Variants in NCAPG2 observed in about 807,000 individuals in gnomAD.
NCAPG2 encodes the protein condensin-2 complex subunit G2.
Under a neutral mutation model 141.1 loss-of-function variants are expected in NCAPG2, and 53 were observed. The observed-to-expected ratio is 0.38, with a 90% CI of 0.30 to 0.47. NCAPG2 has a LOEUF of 0.47. Ranked by LOEUF, NCAPG2 falls within the 20% of genes least tolerant of loss-of-function variation. The pLI is 0.99. For synonymous variants in NCAPG2, 499 were observed against 490.7 expected (o/e 1.02, Z -0.22); for missense variants, 1,087 against 1,389.0 (o/e 0.78, Z 3.46).
At chr7:158,660,987 T>G (rs1469178485) in intron 16 of NCAPG2, among the ~76,000 whole-genome samples, 1 of 152,218 alleles carries the variant, frequency 6.6e-6, no homozygotes, top group Non-Finnish European at 1.5e-5. Context: ...CCGTCATGAC[T>G]GTGAGGCTTC....
intron 6 of NCAPG2, 42 bp downstream of exon 6, chr7:158,689,774 TAAG>T (rs770234500): frequency 1.5e-5 from 23 of 1,487,688 alleles, no homozygotes; most frequent in Admixed American, 2.1e-5. Context: ...AAACATCTAT[TAAG>T]AAGCAGCTCA....
intron 23 of NCAPG2, among the ~76,000 whole-genome samples, chr7:158,651,514 A>C (rs528009841): frequency 1.3e-5 from 2 of 152,350 alleles, no homozygotes; most frequent in South Asian, 2.1e-4. Context: ...ATATTTCATA[A>C]ATAGCCTCCC....
At chr7:158,644,447 ACT>A in intron 26 of NCAPG2, 59 bp from the exon 27 acceptor site, 1 of 1,405,860 alleles carries the variant, frequency 7.1e-7, no homozygotes, top group Non-Finnish European at 1.0e-6. Flanking sequence ...AAAGACAAAC[ACT>A]CTGGTACACA....
At chr7:158,658,149 T>TAAAAAAA (rs11444440) in intron 17 of NCAPG2, among the ~76,000 whole-genome samples, 189 bp downstream of exon 17, 7 of 97,472 alleles carry the variant, frequency 7.2e-5, no homozygotes, top group East Asian at 2.5e-4. Context: ...GAATGATCAA[T>TAAAAAAA]AAAAAAAAAA....
Position 158,683,397 on chromosome 7 carries a change from A to C in NCAPG2, c.838-11T>G, listed in dbSNP as rs774112277. 3 of 1,593,224 alleles carry C rather than the reference A, an allele frequency of 1.9e-6. No individual in the cohort carries two copies. Among genetic ancestry groups the C allele is most frequent in the African/African-American group, 2.7e-5 (2 of 73,508 alleles). ...ATCATTTTCAATCGCCTGAAATAAC[A>C]AATGCAATGCAAAGCACTTGGTGTG... On this transcript the variant is annotated splice_polypyrimidine_tract_variant and intron_variant, in intron 8 of 27. Transcript: ENST00000356309.
Position 158,634,241 on chromosome 7 carries a change from C to T in NCAPG2, c.3381-2524G>A, listed in dbSNP as rs966940284. On this transcript the variant is annotated intron_variant, in intron 27 of 27. Coordinates refer to ENST00000356309, the MANE Select transcript of NCAPG2 (RefSeq NM_017760.7). ...ATAGTGTTTGCATATAGTCTACCCA[C>T]ATCCTCCTGTATGCTTTAAATCATC... 4.6e-5 allele frequency among the ~76,000 whole-genome samples: 7 copies of T among 152,272 alleles called. No individual in the cohort carries two copies. The South Asian group carries it at 8.3e-4, about 18-fold the overall frequency.
chr7:158,678,687 CTAAAA>C (rs568243725), intron 11 of NCAPG2, among the ~76,000 whole-genome samples: 1 of 141,080 alleles, frequency 7.1e-6, no homozygotes, highest in South Asian at 2.2e-4. Flanking sequence ...GACTCTGTCT[CTAAAA>C]TAAAATAAAA....
chr7:158,697,508 G>A lies in NCAPG2; in HGVS notation c.79-4011C>T, dbSNP rs573020540. Among the ~76,000 whole-genome samples, 53 of 152,120 alleles carry A rather than the reference G, an allele frequency of 3.5e-4. 1 individual carries two copies. The South Asian group carries it at 3.9e-3, about 11-fold the overall frequency. The stretch of plus-strand genomic sequence containing the variant: ...CTCAACTATTCAGGAGGCTGAGGCA[G>A]GAGAATCACTTGAACCCGGGAGGCG... On this transcript the variant is annotated intron_variant, in intron 2 of 27. Transcript: ENST00000356309.
chr7:158,681,133 C>T (rs1014742022), intron 9 of NCAPG2, among the ~76,000 whole-genome samples: 3 of 152,194 alleles, frequency 2.0e-5, no homozygotes, highest in African/African-American at 7.2e-5. Flanking sequence ...CTCGTTTAAA[C>T]CTCTGACCTT....
chr7:158,687,459 A>C lies in NCAPG2; in HGVS notation c.673-17T>G. 5.8e-6 allele frequency: 9 copies of C among 1,556,632 alleles called. No individual in the cohort carries two copies. Among genetic ancestry groups the C allele is most frequent in the Non-Finnish European group, 7.9e-6 (9 of 1,140,234 alleles). ...TCTTCTTCCCTAGAAATAAAAAAGGATAGAATGTTTACATTGCAACCAAAT... is the reference window on the plus strand; with the variant it reads ...TCTTCTTCCCTAGAAATAAAAAAGGCTAGAATGTTTACATTGCAACCAAAT... On this transcript the variant is annotated splice_polypyrimidine_tract_variant and intron_variant, in intron 6 of 27. Transcript: ENST00000356309.
intron 10 of NCAPG2, among the ~76,000 whole-genome samples, chr7:158,680,422 C>A (rs542980401): frequency 2.3e-4 from 35 of 152,190 alleles, no homozygotes; most frequent in African/African-American, 8.4e-4. Flanking sequence ...CAGGCCAGCG[C>A]GGCAAACCAC....
intron 27 of NCAPG2, chr7:158,639,975 G>A (rs2129456428): frequency 2.6e-6 from 1 of 384,658 alleles, no homozygotes; most frequent in Non-Finnish European, 3.5e-6. Flanking sequence ...AGAGAGAAAG[G>A]AACAGAAGAA....
chr7:158,654,799 C>G (rs964001189), intron 21 of NCAPG2, 105 bp from the exon 22 acceptor site: 20 of 1,449,524 alleles, frequency 1.4e-5, no homozygotes, highest in Middle Eastern at 2.0e-4. Context: ...TCTTATAAAG[C>G]AGATTTTTAT....
intron 27 of NCAPG2, among the ~76,000 whole-genome samples, chr7:158,637,163 G>A (rs908089568): frequency 6.6e-5 from 10 of 151,996 alleles, no homozygotes; most frequent in Non-Finnish European, 1.3e-4. Flanking sequence ...TAGCCAGGAT[G>A]GTCTCGATCT....
At chr7:158,664,963 C>T in intron 13 of NCAPG2, 1 of 515,352 alleles carries the variant, frequency 1.9e-6, no homozygotes, top group Non-Finnish European at 3.4e-6. Flanking sequence ...ATATAAGGCA[C>T]CCAAGTATTA....
rs150045669 is a variant in NCAPG2 at position 158,669,760 on chromosome 7, C to G, written c.1479+1754G>C. 7.0e-3 allele frequency among the ~76,000 whole-genome samples: 533 copies of G among 75,626 alleles called. 3 individuals are homozygous for G. Among genetic ancestry groups the G allele is most frequent in the Middle Eastern group, 0.034 (3 of 88 alleles). The allele number at this position is 75,626 out of a possible 152,430, so 49.6% of individuals were successfully genotyped here. A position where few individuals can be genotyped will look rare whatever the true frequency, so the allele number is the denominator to read the frequency against. On this transcript the variant is annotated intron_variant, in intron 13 of 27. Coordinates refer to ENST00000356309, the MANE Select transcript of NCAPG2 (RefSeq NM_017760.7). ...CCCCAGCCTGGGTGACAGAGCGAGA[C>G]TCTGTCTCAAAAAAAAAAAAAAAAA...
chr7:158,638,140 G>A (rs1830415422), intron 27 of NCAPG2, among the ~76,000 whole-genome samples: 1 of 152,038 alleles, frequency 6.6e-6, no homozygotes, highest in African/African-American at 2.4e-5. Flanking sequence ...GGAGACTCTT[G>A]TCTCAAAAAC....
chr7:158,689,284 C>T (rs1405821947), intron 6 of NCAPG2, among the ~76,000 whole-genome samples: 1 of 152,172 alleles, frequency 6.6e-6, no homozygotes, highest in African/African-American at 2.4e-5. Context: ...TTCTTTCCCA[C>T]TAAATCTTCA....
chr7:158,689,751 G>A (rs1563573509), intron 6 of NCAPG2, 68 bp downstream of exon 6: 1 of 1,391,412 alleles, frequency 7.2e-7, no homozygotes, highest in Non-Finnish European at 9.6e-7. Context: ...CAGGAACCAT[G>A]TGAACACAGG....
Sources: gnomAD v4.1 joint callset for allele counts (sites outside exome capture counted in the v4.1 genomes callset) on GRCh38, gnomAD v4.1.1 for gene constraint, MANE v1.5 for transcripts, NCBI Gene and HGNC (gene_info 2026-07-23, HGNC 2026-07-21) for gene names.